CCDC141: variants seen among roughly 807,000 people sequenced by gnomAD.
The protein encoded by CCDC141 is coiled-coil domain containing 141, also known as coiled-coil domain-containing protein 141.
In CCDC141, 168 loss-of-function variants were observed where a neutral mutation model predicts 181.0. That is an observed-to-expected ratio of 0.93 (90% CI 0.82 to 1.05). CCDC141 has a LOEUF of 1.05. Ranked by LOEUF, CCDC141 falls within the 50% of genes least tolerant of loss-of-function variation. The pLI, the probability that CCDC141 is intolerant of heterozygous loss-of-function variation, is 0.00. For synonymous variants in CCDC141, 666 were observed against 642.3 expected (o/e 1.04, Z -0.56); for missense variants, 1,902 against 1,788.5 (o/e 1.06, Z -1.14).
chr2:178,884,255 A>AG (rs201331232), intron 11 of CCDC141, among the ~76,000 whole-genome samples: 2,331 of 150,918 alleles, frequency 0.015, 23 homozygotes, highest in Non-Finnish European at 0.026. Flanking sequence ...AAAAAAAAAA[A>AG]CCAGAATCTC....
intron 2 of CCDC141, among the ~76,000 whole-genome samples, chr2:178,981,383 A>G (rs1448177031): frequency 8.1e-6 from 1 of 123,366 alleles, no homozygotes; most frequent in Non-Finnish European, 1.7e-5. Flanking sequence ...AAAAACAGAA[A>G]TCATACGAAT....
At position 178,878,684 on chromosome 2, in the gene CCDC141, A is replaced by G. The variant is rs531883087; in HGVS notation, c.1720-541T>C. Among the ~76,000 whole-genome samples the G allele has an allele frequency of 2.6e-5, 4 of 152,238 alleles. No individual in the cohort carries two copies. The South Asian group carries it at 8.3e-4, about 32-fold the overall frequency. The stretch of plus-strand genomic sequence containing the variant: ...CTTATTGAAAAGATTCAAAAAATCT[A>G]TTTGGATTGTTGATTGTTTGGGTAG... On this transcript the variant is annotated intron_variant, in intron 11 of 23. Transcript: ENST00000443758.
At chr2:178,859,215 A>G (rs950958792) in intron 17 of CCDC141, among the ~76,000 whole-genome samples, 29 of 152,218 alleles carry the variant, frequency 1.9e-4, no homozygotes, top group Non-Finnish European at 3.2e-4. Context: ...ACTCAAATTC[A>G]GGACTACTGC....
Position 178,868,120 on chromosome 2 carries a change from A to T in CCDC141, c.2480T>A (p.Leu827His). 2 of 1,614,032 alleles carry T rather than the reference A, an allele frequency of 1.2e-6. No individual in the cohort carries two copies. The highest frequency in any genetic ancestry group is 1.7e-6 in the Non-Finnish European group (2 of 1,179,926). The stretch of plus-strand genomic sequence containing the variant: ...GGCTTGCTTTTCCTGAGAGCACCGG[A>T]GGTGAATCTGCACATCATGGGCATC... Reference protein sequence around the residue: ...LGDAHDVQIHLRCSQEKQARV... With the variant: ...LGDAHDVQIHHRCSQEKQARV... Residue 827 changes from leucine (L) to histidine (H), a missense_variant, in exon 16 of 24, where the codon CTC becomes CAC. Leu to His is a moderately conservative substitution (Grantham distance 99). Transcript: ENST00000443758.
intron 2 of CCDC141, among the ~76,000 whole-genome samples, chr2:179,010,876 C>T (rs1033616090): frequency 5.9e-5 from 9 of 151,958 alleles, no homozygotes; most frequent in East Asian, 1.9e-4. Flanking sequence ...GATACAGAAC[C>T]GGCTGGGCAT....
Position 179,047,346 on chromosome 2 carries a change from T to C in CCDC141, c.163A>G (p.Ser55Gly). The change falls in exon 2 of 24, where the codon AGC becomes GGC. Residue 55 changes from serine (S) to glycine (G), a missense_variant. Transcript: ENST00000443758. ...ESQPNLLEIG[S>G]SQDETKKLLH... ...AGTTTTTTGGTTTCATCTTGACTGC[T>C]GCCAATTTCTAGAAGATTGGGCTGT... 1.3e-6 allele frequency: 2 copies of C among 1,542,664 alleles called. No individual in the cohort carries two copies. Among genetic ancestry groups the C allele is most frequent in the Non-Finnish European group, 1.7e-6 (2 of 1,144,650 alleles).
At chr2:178,987,678 C>G (rs1691821464) in intron 2 of CCDC141, among the ~76,000 whole-genome samples, 1 of 149,988 alleles carries the variant, frequency 6.7e-6, no homozygotes, top group East Asian at 2.0e-4. Context: ...AGACACTTCT[C>G]AAAAGAAGAC....
In CCDC141 at chr2:178,834,287, A is replaced by G. The variant is rs1238670679; in HGVS notation, c.4479T>C (p.Asn1493=). Residue 1493 remains asparagine (N), a synonymous_variant, in exon 24 of 24, where the codon AAT becomes AAC. Coordinates refer to ENST00000443758, the MANE Select transcript of CCDC141 (RefSeq NM_173648.4). The stretch of plus-strand genomic sequence containing the variant: ...AGTTACCTGTCACGTGGAGGATGAC[A>G]TTGGAAGAGAGAGCGCCGCTAGAGT... ...AQNSSGALSS[N]VILHVTGNCR... is the part of the protein sequence containing the mutation. 1 of 1,536,086 alleles carries G rather than the reference A, an allele frequency of 6.5e-7. No individual in the cohort carries two copies. Among genetic ancestry groups the G allele is most frequent in the South Asian group, 1.2e-5 (1 of 84,048 alleles).
At position 178,885,067 on chromosome 2, in the gene CCDC141, G is replaced by T. The variant is rs1414199161; in HGVS notation, c.1553C>A (p.Ala518Asp). ...AKETSHELEA[A>D]AKTMMEKNEF... is the part of the protein sequence containing the mutation. ...ATTTTTCTCCATCATGGTTTTTGCA[G>T]CTGCTTCTAATTCATGTGATGTCTC... The change falls in exon 11 of 24, where the codon GCT becomes GAT. Residue 518 changes from alanine to aspartate, a missense_variant. Coordinates refer to ENST00000443758, the MANE Select transcript of CCDC141 (RefSeq NM_173648.4). 1 of 1,549,832 alleles carries T rather than the reference G, an allele frequency of 6.5e-7. No homozygotes were observed.
At chr2:178,822,273 G>C in the CCDC141 span, among the ~76,000 whole-genome samples, 1 of 151,804 alleles carries the variant, frequency 6.6e-6, no homozygotes, top group African/African-American at 2.4e-5. Context: ...GGGGGGAGTG[G>C]GGAGGGATAG....
At chr2:178,958,416 T>A (rs995773223) in intron 5 of CCDC141, among the ~76,000 whole-genome samples, 1 of 152,108 alleles carries the variant, frequency 6.6e-6, no homozygotes. Context: ...AGGGAACATA[T>A]AGGAAATCTC....
rs753311518 is a variant in CCDC141, at chr2:178,868,031, G to A, written c.2569C>T (p.Arg857Trp). 21 of 1,612,166 alleles carry A rather than the reference G, an allele frequency of 1.3e-5. No homozygotes were observed. Among genetic ancestry groups the A allele is most frequent in the African/African-American group, 6.7e-5 (5 of 74,870 alleles). Residue 857 changes from arginine (R) to tryptophan (W), a missense_variant, in exon 16 of 24, where the codon CGG (arginine) becomes TGG (tryptophan). Coordinates refer to ENST00000443758, the MANE Select transcript of CCDC141 (RefSeq NM_173648.4). Reference protein sequence around the residue: ...LGVDIISSVQRPHCSNVSAKN... With the variant: ...LGVDIISSVQWPHCSNVSAKN... ...TAGTGTTATTAGATGCTTACAGGCC[G>A]CTGCACTGATGAGATGATGTCGACT...
intron 5 of CCDC141, among the ~76,000 whole-genome samples, chr2:178,956,605 G>A (rs1000813031): frequency 1.3e-5 from 2 of 152,128 alleles, no homozygotes; most frequent in African/African-American, 4.8e-5. Flanking sequence ...CCCAGCCTAA[G>A]AGCCTAAATT....
intron 7 of CCDC141, among the ~76,000 whole-genome samples, chr2:178,914,076 T>C (rs1023116412): frequency 6.6e-6 from 1 of 152,230 alleles, no homozygotes; most frequent in African/African-American, 2.4e-5. Context: ...TAGCTTGTTT[T>C]CTGTGAACAC....
At chr2:178,989,114 C>A (rs1691903976) in intron 2 of CCDC141, among the ~76,000 whole-genome samples, 1 of 152,022 alleles carries the variant, frequency 6.6e-6, no homozygotes, top group Admixed American at 6.6e-5. Flanking sequence ...AGATACGACA[C>A]CAGTAGCATA....
Position 178,869,031 on chromosome 2 carries a change from TTGGCCTTTATTTATTA to T in CCDC141, c.2394+70_2394+85del, listed in dbSNP as rs574789827. The T allele has an allele frequency of 1.1e-3, 998 of 918,642 alleles. 1 individual carries two copies. The highest frequency in any genetic ancestry group is 3.2e-3 in the South Asian group (115 of 36,106). The allele number at this position is 918,642 out of a possible 1,614,324, so 56.9% of individuals were successfully genotyped here. A position where few individuals can be genotyped will look rare whatever the true frequency, so the allele number is the denominator to read the frequency against. On this transcript the variant is annotated intron_variant, in intron 15 of 23. Transcript: ENST00000443758. ...AACTTCTGATACTAGAAGACACAAT[TTGGCCTTTATTTATTA>T]TATAATAATTCATTTTTAATTGCAT...
intron 2 of CCDC141, among the ~76,000 whole-genome samples, chr2:178,982,763 T>TA (rs1373433783): frequency 9.9e-5 from 15 of 152,080 alleles, no homozygotes; most frequent in African/African-American, 3.6e-4. Context: ...CTGACGGGCT[T>TA]AAAAAAAGGC....
the CCDC141 span, chr2:178,817,664 T>C: frequency 4.8e-6 from 2 of 415,124 alleles, no homozygotes; most frequent in South Asian, 3.6e-5. Flanking sequence ...CTAGGAACGT[T>C]AGAATTTTGC....
At chr2:178,913,409 G>A (rs543801929) in intron 7 of CCDC141, among the ~76,000 whole-genome samples, 17 of 151,738 alleles carry the variant, frequency 1.1e-4, no homozygotes, top group Non-Finnish European at 1.9e-4. Context: ...ACTTGGGCAG[G>A]TTTTCTTAAA....
Sources: gnomAD v4.1 joint callset for allele counts (sites outside exome capture counted in the v4.1 genomes callset) on GRCh38, gnomAD v4.1.1 for gene constraint, MANE v1.5 for transcripts, NCBI Gene and HGNC (gene_info 2026-07-23, HGNC 2026-07-21) for gene names.